OR14A16: variants seen among roughly 807,000 people sequenced by gnomAD.
OR14A16 encodes the protein olfactory receptor 14A16.
For missense variants in OR14A16, 341 were observed against 366.5 expected (o/e 0.93, Z 0.57); for synonymous variants, 135 against 137.6 (o/e 0.98, Z 0.13).
At chr1:247,821,615 T>A (rs1430735691) in intron 1 of OR14A16, among the ~76,000 whole-genome samples, 3 of 116,784 alleles carry the variant, frequency 2.6e-5, no homozygotes, top group African/African-American at 5.5e-5. Flanking sequence ...TATCCTGTCA[T>A]CCTTATACTT....
In OR14A16 at chr1:247,819,110, C is replaced by G. The variant is rs768744713; in HGVS notation, c.-63G>C. On this transcript the variant is annotated 5_prime_UTR_variant, in exon 2 of 3. Coordinates refer to ENST00000641093, the MANE Select transcript of OR14A16 (RefSeq NM_001001966.2). ...CGAAGATTCCAGATGTCTTCTGAGG[C>G]TTGTTTTCAATGCTTCTTTATTCAT... 1 of 152,154 alleles carries G rather than the reference C, an allele frequency of 6.6e-6. No individual in the cohort carries two copies. The highest frequency in any genetic ancestry group is 1.5e-5 in the Non-Finnish European group (1 of 68,026). The allele number at this position is 152,154 out of a possible 1,614,324, so 9.4% of individuals were successfully genotyped here. A position where few individuals can be genotyped will look rare whatever the true frequency, so the allele number is the denominator to read the frequency against.
chr1:247,815,437 T>G lies in OR14A16; in HGVS notation c.293A>C (p.Gln98Pro), dbSNP rs1662593827. The G allele has an allele frequency of 6.2e-7, 1 of 1,613,928 alleles. No individual in the cohort carries two copies. Among genetic ancestry groups the G allele is most frequent in the African/African-American group, 1.3e-5 (1 of 75,002 alleles). ...NSISFLGCVS[Q>P]VFLLLSSASA... ...TGCTGAAGAAAGCAACAAAAAGACC[T>G]GGGAAACACAGCCAAGGAATGAAAT... The change falls in exon 3 of 3, where the codon CAG becomes CCG. Residue 98 changes from glutamine to proline, a missense_variant. Coordinates refer to ENST00000641093, the MANE Select transcript of OR14A16 (RefSeq NM_001001966.2).
chr1:247,815,546 T>C lies in OR14A16; in HGVS notation c.184A>G (p.Lys62Glu), dbSNP rs774283113. The change falls in exon 3 of 3, where the codon AAG becomes GAG. Residue 62 changes from lysine (K) to glutamate (E), a missense_variant. Transcript: ENST00000641093. ...HLHTPVYFFLKNLSFLDLCLI... is the reference protein window; with the variant it reads ...HLHTPVYFFLENLSFLDLCLI... The stretch of plus-strand genomic sequence containing the variant: ...CAGAGATCCAAGAAAGATAGATTCT[T>C]CAAGAAGAAATACACGGGGGTGTGG... The C allele has an allele frequency of 6.2e-7, 1 of 1,614,056 alleles. No individual in the cohort carries two copies. The highest frequency in any genetic ancestry group is 1.1e-5 in the South Asian group (1 of 91,074).
chr1:247,816,735 A>G (rs1482910827), intron 2 of OR14A16, among the ~76,000 whole-genome samples: 1 of 152,200 alleles, frequency 6.6e-6, no homozygotes, highest in Admixed American at 6.5e-5. Flanking sequence ...TCTCAAAACA[A>G]ACAAATAAAT....
intron 2 of OR14A16, among the ~76,000 whole-genome samples, chr1:247,818,718 G>T (rs1354114108): frequency 6.6e-6 from 1 of 152,162 alleles, no homozygotes; most frequent in Non-Finnish European, 1.5e-5. Context: ...AGGGTAGTAA[G>T]GAGTTTGGAG....
rs190923554 is a variant in OR14A16, at chr1:247,821,970, C to A, written c.-131+1983G>T. ...AACTTAAAATGTTTTATACTTATAACAGGCTATTTTAAGGTGTTAACAATT... is the reference window on the plus strand; with the variant it reads ...AACTTAAAATGTTTTATACTTATAAAAGGCTATTTTAAGGTGTTAACAATT... On this transcript the variant is annotated intron_variant, in intron 1 of 2. Transcript: ENST00000641093. Among the ~76,000 whole-genome samples the A allele has an allele frequency of 4.2e-3, 635 of 152,134 alleles. 11 individuals carry two copies. In the Middle Eastern group the frequency reaches 0.061, roughly 15 times the overall value.
chr1:247,815,317 G>T lies in OR14A16; in HGVS notation c.413C>A (p.Thr138Asn). ...AGACACAGTGGCTCTTTGGACACAG[G>T]TGCTCCTGTCCATGATGACATCATA... ...LHYDVIMDRS[T>N]CVQRATVSWL... The change falls in exon 3 of 3, where the codon ACC becomes AAC. Residue 138 changes from threonine (T) to asparagine (N), a missense_variant. Coordinates refer to ENST00000641093, the MANE Select transcript of OR14A16 (RefSeq NM_001001966.2). The T allele has an allele frequency of 3.7e-6, 6 of 1,614,078 alleles. No homozygotes were observed. The highest frequency in any genetic ancestry group is 5.1e-6 in the Non-Finnish European group (6 of 1,180,016).
Position 247,814,932 on chromosome 1 carries a change from A to G in OR14A16, c.798T>C (p.Ile266=), listed in dbSNP as rs1279698418. The change falls in exon 3 of 3, where the codon ATT becomes ATC. Residue 266 remains isoleucine, a synonymous_variant. Transcript: ENST00000641093. The part of the protein sequence containing the change: ...YLKPASESPS[I]LDAVISVFYT... ...AGAACACAGAAATTACAGCATCCAA[A>G]ATAGAAGGAGACTCTGAAGCTGGCT... 4 of 1,613,878 alleles carry G rather than the reference A, an allele frequency of 2.5e-6. No individual in the cohort carries two copies. Among genetic ancestry groups the G allele is most frequent in the Non-Finnish European group, 3.4e-6 (4 of 1,179,968 alleles).
rs774437577 is a variant in OR14A16, at chr1:247,815,317, G to A, written c.413C>T (p.Thr138Ile). 3.1e-6 allele frequency: 5 copies of A among 1,613,960 alleles called. No homozygotes were observed. Among genetic ancestry groups the A allele is most frequent in the Non-Finnish European group, 3.4e-6 (4 of 1,180,024 alleles). ...LHYDVIMDRSTCVQRATVSWL... is the reference protein window; with the variant it reads ...LHYDVIMDRSICVQRATVSWL... ...AGACACAGTGGCTCTTTGGACACAGGTGCTCCTGTCCATGATGACATCATA... is the reference window on the plus strand; with the variant it reads ...AGACACAGTGGCTCTTTGGACACAGATGCTCCTGTCCATGATGACATCATA... Residue 138 changes from threonine (T) to isoleucine (I), a missense_variant, in exon 3 of 3, where the codon ACC becomes ATC. By Grantham distance (89) the Thr-to-Ile change is moderately conservative (BLOSUM62 -1). Coordinates refer to ENST00000641093, the MANE Select transcript of OR14A16 (RefSeq NM_001001966.2).
intron 2 of OR14A16, 87 bp from the exon 3 acceptor site, chr1:247,815,831 A>G: frequency 1.7e-6 from 1 of 582,082 alleles, no homozygotes; most frequent in Non-Finnish European, 2.9e-6. Context: ...TATTTAGCAT[A>G]CTGAAACACA....
At chr1:247,823,895 C>T (rs1475222514) in intron 1 of OR14A16, 58 bp downstream of exon 1, 4 of 152,140 alleles carry the variant, frequency 2.6e-5, no homozygotes, top group African/African-American at 9.6e-5. Context: ...TCATATTGTT[C>T]TAAGTATCAG....
chr1:247,817,874 C>T (rs533407297), intron 2 of OR14A16, among the ~76,000 whole-genome samples: 9 of 152,018 alleles, frequency 5.9e-5, no homozygotes, highest in South Asian at 2.1e-4. Flanking sequence ...TACTCCTCAA[C>T]GAAGATACTA....
chr1:247,822,228 A>G (rs1493261), intron 1 of OR14A16, among the ~76,000 whole-genome samples: 101,332 of 149,416 alleles, frequency 0.68, 36,099 homozygotes, highest in East Asian at 0.98. Flanking sequence ...GGGTGTTTCC[A>G]GAGGAGATTA....
At chr1:247,819,352 T>A (rs992576976) in intron 1 of OR14A16, among the ~76,000 whole-genome samples, 175 bp from the exon 2 acceptor site, 35 of 151,524 alleles carry the variant, frequency 2.3e-4, no homozygotes, top group African/African-American at 7.8e-4. Flanking sequence ...GGTGGGGGTA[T>A]AACAGGTGAG....
At chr1:247,816,865 T>TC (rs1384579580) in intron 2 of OR14A16, among the ~76,000 whole-genome samples, 1 of 151,628 alleles carries the variant, frequency 6.6e-6, no homozygotes, top group Admixed American at 6.6e-5. Context: ...CTTTCAAGCT[T>TC]TTTTCTCTTT....
chr1:247,818,604 C>T (rs577847065), intron 2 of OR14A16, among the ~76,000 whole-genome samples: 18 of 152,194 alleles, frequency 1.2e-4, no homozygotes, highest in African/African-American at 3.6e-4. Context: ...AAGCCAGGCT[C>T]AGAAGGACAA....
At position 247,823,937 on chromosome 1, in the gene OR14A16, A is replaced by T. The variant is rs1323093793; in HGVS notation, c.-131+16T>A. 1 of 152,240 alleles carries T rather than the reference A, an allele frequency of 6.6e-6. No individual in the cohort carries two copies. Among genetic ancestry groups the T allele is most frequent in the East Asian group, 1.9e-4 (1 of 5,206 alleles). The allele number at this position is 152,240 out of a possible 1,614,324, so 9.4% of individuals were successfully genotyped here. On this transcript the variant is annotated intron_variant, in intron 1 of 2. Coordinates refer to ENST00000641093, the MANE Select transcript of OR14A16 (RefSeq NM_001001966.2). ...ATCCAGATAAGCTGTAAAATTTAAT[A>T]CCGTTCCAACAATACCTTTACAATT... is the stretch of plus-strand genomic sequence containing the variant.
At position 247,815,732 on chromosome 1, in the gene OR14A16, T is replaced by C. The variant is rs767461899; in HGVS notation, c.-3A>G. 1.5e-5 allele frequency: 23 copies of C among 1,506,040 alleles called. No homozygotes were observed. Among genetic ancestry groups the C allele is most frequent in the Non-Finnish European group, 1.9e-5 (21 of 1,096,026 alleles). 93.3% of individuals were successfully genotyped at this position (1,506,040 alleles called of 1,614,324 possible). On this transcript the variant is annotated 5_prime_UTR_variant, in exon 3 of 3. Coordinates refer to ENST00000641093, the MANE Select transcript of OR14A16 (RefSeq NM_001001966.2). The stretch of plus-strand genomic sequence containing the variant: ...GTCACGATTGTGAGATTTGCCATTA[T>C]TGCAGGAGTAATCTGCAGGAAAAGG...
At chr1:247,819,007 T>C (rs1662677576) in intron 2 of OR14A16, 56 bp downstream of exon 2, 1 of 150,986 alleles carries the variant, frequency 6.6e-6, no homozygotes, top group Non-Finnish European at 1.5e-5. Context: ...AAGTTAAAAA[T>C]AAAAAATTTT....
Sources: allele counts gnomAD v4.1 joint callset (sites outside exome capture counted in the v4.1 genomes callset), GRCh38; gene constraint gnomAD v4.1.1; transcripts MANE v1.5; gene names NCBI Gene and HGNC (gene_info 2026-07-23, HGNC 2026-07-21).